PALLD: variants seen among roughly 807,000 people sequenced by gnomAD.
PALLD encodes the protein palladin, cytoskeletal associated protein.
A neutral mutation model predicts 123.5 loss-of-function variants in PALLD; 61 were observed. The observed-to-expected ratio is 0.49, with a 90% confidence interval of 0.40 to 0.61. PALLD has a LOEUF of 0.61. PALLD is among the 20% of genes least tolerant of loss of function. The pLI is 0.00. For missense variants in PALLD, 1,273 were observed against 1,377.0 expected, an observed-to-expected ratio of 0.92 and a Z score of 1.20; for synonymous variants, 465 against 496.4, an observed-to-expected ratio of 0.94 and a Z score of 0.84.
chr4:168,694,524 A>AT (rs1235134679), intron 8 of PALLD, among the ~76,000 whole-genome samples: 5 of 147,488 alleles, frequency 3.4e-5, no homozygotes, highest in Non-Finnish European at 3.0e-5. Context: ...CTTTTTATTT[A>AT]TTTTTTCTTT....
intron 2 of PALLD, among the ~76,000 whole-genome samples, chr4:168,572,232 T>G (rs1769069470): frequency 1.3e-5 from 2 of 152,134 alleles, no homozygotes; most frequent in Non-Finnish European, 2.9e-5. Context: ...TAGCCGTCAG[T>G]TTGTGGTATC....
chr4:168,904,323 A>G (rs1757167195), intron 15 of PALLD: 2 of 181,484 alleles, frequency 1.1e-5, no homozygotes, highest in African/African-American at 4.7e-5. Context: ...ACAAAGTAAA[A>G]TATTTTAAAA....
At chr4:168,919,804 G>C (rs1334874032) in intron 17 of PALLD, among the ~76,000 whole-genome samples, 1 of 152,128 alleles carries the variant, frequency 6.6e-6, no homozygotes, top group African/African-American at 2.4e-5. Context: ...TGAGAGTACA[G>C]ATCTAGTTAC....
intron 2 of PALLD, among the ~76,000 whole-genome samples, chr4:168,661,955 C>G (rs1035572628): frequency 1.7e-4 from 26 of 152,198 alleles, no homozygotes; most frequent in African/African-American, 6.3e-4. Context: ...AATAAATATT[C>G]TCTTTCCCTT....
At chr4:168,587,152 T>C (rs987630925) in intron 2 of PALLD, among the ~76,000 whole-genome samples, 2 of 152,186 alleles carry the variant, frequency 1.3e-5, no homozygotes, top group Admixed American at 6.5e-5. Context: ...GCAGTGCTGA[T>C]GTTGAAGAAT....
At chr4:168,847,501 A>C (rs796683077) in intron 10 of PALLD, among the ~76,000 whole-genome samples, 5 of 152,318 alleles carry the variant, frequency 3.3e-5, no homozygotes, top group African/African-American at 1.2e-4. Context: ...ACATGTAAAC[A>C]TATGGGTGTT....
intron 2 of PALLD, among the ~76,000 whole-genome samples, chr4:168,653,023 C>T (rs1778205180): frequency 6.6e-6 from 1 of 152,180 alleles, no homozygotes; most frequent in Non-Finnish European, 1.5e-5. Context: ...CACCAGTCAT[C>T]GTAGTCCCTC....
At chr4:168,679,999 G>T (rs1186464148) in intron 3 of PALLD, among the ~76,000 whole-genome samples, 1 of 152,026 alleles carries the variant, frequency 6.6e-6, no homozygotes, top group Non-Finnish European at 1.5e-5. Context: ...GTCAATAAAA[G>T]ACTGGAAAAC....
rs17054384 is a variant in PALLD, at chr4:168,608,261, G to C, written c.909-59929G>C. On this transcript the variant is annotated intron_variant, in intron 2 of 21. Coordinates refer to ENST00000505667, the MANE Select transcript of PALLD (RefSeq NM_001166108.2). Reference sequence around the variant, plus strand: ...CCATGCTTTATAACTAAAGTGGTCTGCCGTTTCTCAGAGGCATGAATCTGA... The same window carrying C: ...CCATGCTTTATAACTAAAGTGGTCTCCCGTTTCTCAGAGGCATGAATCTGA... Among the ~76,000 whole-genome samples, 731 of 152,296 alleles carry C rather than the reference G, an allele frequency of 4.8e-3. 3 individuals carry two copies. The highest frequency in any genetic ancestry group is 0.016 in the African/African-American group (676 of 41,558).
intron 2 of PALLD, among the ~76,000 whole-genome samples, chr4:168,532,327 C>T (rs1413520764): frequency 6.6e-6 from 1 of 152,182 alleles, no homozygotes; most frequent in Non-Finnish European, 1.5e-5. Flanking sequence ...TCAGAGGAAA[C>T]ATAGCACATT....
chr4:168,762,601 G>T (rs968532718), intron 10 of PALLD, among the ~76,000 whole-genome samples: 1 of 152,244 alleles, frequency 6.6e-6, no homozygotes, highest in African/African-American at 2.4e-5. Context: ...TTCAACCATT[G>T]TGGAAGACAG....
chr4:168,546,997 T>C (rs906645907), intron 2 of PALLD, among the ~76,000 whole-genome samples: 3 of 152,212 alleles, frequency 2.0e-5, no homozygotes, highest in Non-Finnish European at 4.4e-5. Flanking sequence ...TAACACCTTA[T>C]ATTTTTCCCT....
At chr4:168,735,593 G>A (rs1156543974) in intron 10 of PALLD, among the ~76,000 whole-genome samples, 1 of 152,150 alleles carries the variant, frequency 6.6e-6, no homozygotes. Context: ...TTCATACTTT[G>A]AGACTCCTTT....
At position 168,751,562 on chromosome 4, in the gene PALLD, T is replaced by G. The variant is rs1478190252; in HGVS notation, c.1964+39639T>G. Among the ~76,000 whole-genome samples the G allele has an allele frequency of 2.6e-5, 4 of 152,178 alleles. No homozygotes were observed. In the East Asian group the frequency reaches 7.7e-4, roughly 29 times the overall value. On this transcript the variant is annotated intron_variant, in intron 10 of 21. Transcript: ENST00000505667. Reference sequence around the variant, plus strand: ...AAACTTAATGTCGCTAAATCTCACTTTCCTTAATAGAGTCATTACTGAATA... The same window carrying G: ...AAACTTAATGTCGCTAAATCTCACTGTCCTTAATAGAGTCATTACTGAATA...
chr4:168,709,186 C>A, intron 9 of PALLD, 39 bp downstream of exon 9: 1 of 1,609,340 alleles, frequency 6.2e-7, no homozygotes. Context: ...GTTCTGTTCC[C>A]CAGCACCAGT....
intron 10 of PALLD, among the ~76,000 whole-genome samples, chr4:168,809,455 A>G (rs775033453): frequency 1.3e-5 from 2 of 152,094 alleles, no homozygotes; most frequent in Non-Finnish European, 2.9e-5. Flanking sequence ...TGTTTTAGTT[A>G]TCCACCTAGA....
At chr4:168,659,705 G>A (rs763214936) in intron 2 of PALLD, among the ~76,000 whole-genome samples, 2 of 152,176 alleles carry the variant, frequency 1.3e-5, no homozygotes, top group Non-Finnish European at 2.9e-5. Flanking sequence ...GAGAACATTA[G>A]CCAAGATTCA....
rs573365333 is a variant in PALLD at position 168,567,581 on chromosome 4, A to G, written c.908+55169A>G. 2.1e-3 allele frequency among the ~76,000 whole-genome samples: 291 copies of G among 136,558 alleles called. 3 individuals carry two copies. Among genetic ancestry groups the G allele is most frequent in the African/African-American group, 7.2e-3 (280 of 38,842 alleles). 89.6% of individuals were successfully genotyped at this position (136,558 alleles called of 152,430 possible). A position where few individuals can be genotyped will look rare whatever the true frequency, so the allele number is the denominator to read the frequency against. On this transcript the variant is annotated intron_variant, in intron 2 of 21. Transcript: ENST00000505667. ...TGTGTGTGTGTGTATGTAGATATAT[A>G]TATTATACATTATATATAATATATA...
At chr4:168,915,774 G>T (rs2151422991) in intron 16 of PALLD, 121 bp from the exon 17 acceptor site, 1 of 751,228 alleles carries the variant, frequency 1.3e-6, no homozygotes, top group Admixed American at 2.2e-5. Flanking sequence ...AATCTTAGCT[G>T]TAGGGATCAG....
Sources: gnomAD v4.1 joint callset for allele counts (sites outside exome capture counted in the v4.1 genomes callset) on GRCh38, gnomAD v4.1.1 for gene constraint, MANE v1.5 for transcripts, NCBI Gene and HGNC (gene_info 2026-07-23, HGNC 2026-07-21) for gene names.